Variants in ADGRE1 observed in about 807,000 individuals in gnomAD.
ADGRE1 encodes the protein adhesion G protein-coupled receptor E1, also known as EGF-like module receptor 1.
Under a neutral mutation model 102.7 loss-of-function variants are expected in ADGRE1, and 82 were observed. That is an observed-to-expected ratio of 0.80 (90% CI 0.67 to 0.96). ADGRE1 has a LOEUF of 0.96. ADGRE1 is among the 40% of genes least tolerant of loss of function. The pLI is 0.00. For missense variants in ADGRE1, 1,032 were observed against 1,085.3 expected (o/e 0.95, Z 0.69); for synonymous variants, 398 against 399.6 (o/e 1.00, Z 0.05).
intron 6 of ADGRE1, 142 bp from the exon 7 acceptor site, chr19:6,903,668 A>T: frequency 9.5e-7 from 1 of 1,055,258 alleles, no homozygotes; most frequent in Non-Finnish European, 1.4e-6. Context: ...GACCTCACCT[A>T]GATGCAGAGG....
intron 5 of ADGRE1, 75 bp from the exon 6 acceptor site, chr19:6,901,800 T>C (rs919835300): frequency 3.4e-6 from 5 of 1,482,132 alleles, no homozygotes; most frequent in Admixed American, 1.7e-5. Flanking sequence ...ACACTCAGAG[T>C]GCATCTCCTA....
intron 14 of ADGRE1, 75 bp from the exon 15 acceptor site, chr19:6,924,603 T>G: frequency 7.1e-7 from 1 of 1,416,906 alleles, no homozygotes; most frequent in Non-Finnish European, 9.8e-7. Flanking sequence ...AGCCAGGGTT[T>G]TAGATAACTC....
At chr19:6,938,326 A>C (rs1975517566) in intron 20 of ADGRE1, among the ~76,000 whole-genome samples, 1 of 139,476 alleles carries the variant, frequency 7.2e-6, no homozygotes, top group Non-Finnish European at 1.6e-5. Flanking sequence ...AAAAAGAGCG[A>C]AACTCCATCT....
In ADGRE1 at chr19:6,926,352, C is replaced by G. The variant is rs779094705; in HGVS notation, c.1987-14C>G. 1.2e-6 allele frequency: 2 copies of G among 1,612,908 alleles called. No individual in the cohort carries two copies. The highest frequency in any genetic ancestry group is 2.7e-5 in the African/African-American group (2 of 74,920). The stretch of plus-strand genomic sequence containing the variant: ...GGGGTGGAGGATTCTGATGCGCATG[C>G]TTCTCCCCTCCAGATGGGCTGCGCC... On this transcript the variant is annotated splice_polypyrimidine_tract_variant and intron_variant, in intron 15 of 20. Transcript: ENST00000312053.
chr19:6,940,316 A>C lies in ADGRE1; in HGVS notation c.*287A>C. ...CAAATTCAATGGCATGACCAAGAACACCTGGCTACCATTTTGTTTTCTCCT... is the reference window on the plus strand; with the variant it reads ...CAAATTCAATGGCATGACCAAGAACCCCTGGCTACCATTTTGTTTTCTCCT... On this transcript the variant is annotated 3_prime_UTR_variant, in exon 21 of 21. Coordinates refer to ENST00000312053, the MANE Select transcript of ADGRE1 (RefSeq NM_001974.5). The C allele has an allele frequency of 1.9e-6, 1 of 524,560 alleles. No individual in the cohort carries two copies. Among genetic ancestry groups the C allele is most frequent in the Non-Finnish European group, 3.4e-6 (1 of 292,208 alleles). The allele number at this position is 524,560 out of a possible 1,614,324, so 32.5% of individuals were successfully genotyped here.
intron 14 of ADGRE1, among the ~76,000 whole-genome samples, chr19:6,922,990 T>C (rs1045213757): frequency 1.3e-5 from 2 of 152,100 alleles, no homozygotes; most frequent in East Asian, 3.9e-4. Context: ...GGCGGGAGAA[T>C]GGCGTGAACC....
chr19:6,904,173 A>G lies in ADGRE1; in HGVS notation c.940A>G (p.Ser314Gly). Residue 314 changes from serine to glycine, a missense_variant, in exon 8 of 21, where the codon AGC becomes GGC. Ser to Gly is a moderately conservative substitution (Grantham distance 56). Coordinates refer to ENST00000312053, the MANE Select transcript of ADGRE1 (RefSeq NM_001974.5). ...PEGSQKDGNFSCQRVLFKCKE... is the reference protein window; with the variant it reads ...PEGSQKDGNFGCQRVLFKCKE... Reference sequence around the variant, plus strand: ...AGGCTCCCAGAAAGATGGCAACTTCAGCTGCCAAAGTAATAATCTCTTTGT... The same window carrying G: ...AGGCTCCCAGAAAGATGGCAACTTCGGCTGCCAAAGTAATAATCTCTTTGT... 1 of 1,613,956 alleles carries G rather than the reference A, an allele frequency of 6.2e-7. No homozygotes were observed. Among genetic ancestry groups the G allele is most frequent in the Non-Finnish European group, 8.5e-7 (1 of 1,180,002 alleles).
chr19:6,924,993 C>A, intron 15 of ADGRE1, 121 bp downstream of exon 15: 1 of 1,002,352 alleles, frequency 1.0e-6, no homozygotes, highest in Non-Finnish European at 1.5e-6. Flanking sequence ...TATGCTGTGC[C>A]CTCTGCCTGT....
At position 6,931,564 on chromosome 19, in the gene ADGRE1, G is replaced by A. The variant is rs754344065; in HGVS notation, c.2289+3353G>A. ...TGTAATCCCAGCATTTTGGGAGGCC[G>A]AGGCGGGTGGATCACCTGAAGTCAG... On this transcript the variant is annotated intron_variant, in intron 17 of 20. Transcript: ENST00000312053. Among the ~76,000 whole-genome samples the A allele has an allele frequency of 1.2e-4, 18 of 152,274 alleles. 1 individual carries two copies. The highest frequency in any genetic ancestry group is 5.2e-4 in the Admixed American group (8 of 15,296).
chr19:6,898,619 C>CT, intron 5 of ADGRE1: 1 of 1,447,462 alleles, frequency 6.9e-7, no homozygotes, highest in Non-Finnish European at 9.6e-7. Context: ...AGCGTCTGCC[C>CT]TGAGCATTCT....
chr19:6,915,875 C>A (rs903756856), intron 11 of ADGRE1, among the ~76,000 whole-genome samples: 1 of 131,636 alleles, frequency 7.6e-6, no homozygotes, highest in Non-Finnish European at 1.6e-5. Flanking sequence ...GAGCCGAGAT[C>A]GTGCCACTGC....
At chr19:6,887,713 A>G (rs1973202527) in intron 1 of ADGRE1, 74 bp downstream of exon 1, 3 of 1,509,450 alleles carry the variant, frequency 2.0e-6, no homozygotes, top group Non-Finnish European at 1.8e-6. Flanking sequence ...TGGGAGGGCC[A>G]TGGATGGTCC....
intron 6 of ADGRE1, 30 bp downstream of exon 6, chr19:6,902,051 G>A (rs369530344): frequency 9.3e-6 from 15 of 1,612,168 alleles, no homozygotes; most frequent in Non-Finnish European, 1.2e-5. Flanking sequence ...GAGAAGTCAG[G>A]TCCAAGTCTG....
Position 6,940,297 on chromosome 19 carries a change from C to A in ADGRE1, c.*268C>A, listed in dbSNP as rs1599781176. On this transcript the variant is annotated 3_prime_UTR_variant, in exon 21 of 21. Transcript: ENST00000312053. Reference sequence around the variant, plus strand: ...GAGTTTCTGAGAACAGACCCAAATTCAATGGCATGACCAAGAACACCTGGC... The same window carrying A: ...GAGTTTCTGAGAACAGACCCAAATTAAATGGCATGACCAAGAACACCTGGC... 2 of 556,764 alleles carry A rather than the reference C, an allele frequency of 3.6e-6. No homozygotes were observed. Among genetic ancestry groups the A allele is most frequent in the East Asian group, 6.1e-5 (2 of 32,908 alleles). The allele number at this position is 556,764 out of a possible 1,614,324, so 34.5% of individuals were successfully genotyped here.
intron 20 of ADGRE1, among the ~76,000 whole-genome samples, chr19:6,938,807 T>C (rs889822382): frequency 8.3e-4 from 126 of 151,422 alleles, no homozygotes; most frequent in Non-Finnish European, 5.0e-4. Context: ...TTTTCTTTTT[T>C]TTTTTTGAGA....
At chr19:6,898,957 T>G (rs1973671538) in intron 5 of ADGRE1, among the ~76,000 whole-genome samples, 2 of 152,176 alleles carry the variant, frequency 1.3e-5, no homozygotes, top group South Asian at 4.1e-4. Context: ...CTTTTAAGTG[T>G]AGCATTAGGC....
intron 16 of ADGRE1, 92 bp downstream of exon 16, chr19:6,926,693 G>A (rs1450653859): frequency 3.8e-6 from 5 of 1,306,482 alleles, no homozygotes; most frequent in Non-Finnish European, 5.5e-6. Context: ...AACAGTAGCA[G>A]TAGTTGTGGC....
chr19:6,887,680 T>C, intron 1 of ADGRE1, 41 bp downstream of exon 1: 4 of 1,596,690 alleles, frequency 2.5e-6, no homozygotes, highest in Non-Finnish European at 3.4e-6. Context: ...GAGGCCTGGA[T>C]TGGAAATAGA....
In ADGRE1 at chr19:6,897,476, G is replaced by A. The variant is rs768522803; in HGVS notation, c.443G>A (p.Cys148Tyr). 3 of 1,600,050 alleles carry A rather than the reference G, an allele frequency of 1.9e-6. No individual in the cohort carries two copies. The highest frequency in any genetic ancestry group is 1.3e-5 in the African/African-American group (1 of 74,226). Residue 148 changes from cysteine to tyrosine, a missense_variant, in exon 5 of 21, where the codon TGT (cysteine) becomes TAT (tyrosine). Coordinates refer to ENST00000312053, the MANE Select transcript of ADGRE1 (RefSeq NM_001974.5). ...TSSVCPEHSD[C>Y]VNSMGSYSCS... is the part of the protein sequence containing the mutation. ...AGCGTCTGCCCTGAGCATTCTGACT[G>A]TGTCAACTCCATGGGAAGCTACAGT...
Sources: gnomAD v4.1 joint callset for allele counts (sites outside exome capture counted in the v4.1 genomes callset) on GRCh38, gnomAD v4.1.1 for gene constraint, MANE v1.5 for transcripts, NCBI Gene and HGNC (gene_info 2026-07-23, HGNC 2026-07-21) for gene names.